GALNTL6: variants seen among roughly 807,000 people sequenced by gnomAD.
The protein encoded by GALNTL6 is polypeptide N-acetylgalactosaminyltransferase-like 6.
Under a neutral mutation model 73.7 loss-of-function variants are expected in GALNTL6, and 46 were observed. That is an observed-to-expected ratio of 0.62 (90% CI 0.49 to 0.80). The LOEUF (loss-of-function observed/expected upper bound fraction) is 0.80, where lower values mean the gene tolerates loss of function less well. Among genes scored for constraint, GALNTL6 ranks in the 30% least tolerant of loss-of-function variants. The pLI is 0.00. For missense variants in GALNTL6, 604 were observed against 755.0 expected (o/e 0.80, Z 2.34); for synonymous variants, 259 against 263.7 (o/e 0.98, Z 0.17).
intron 5 of GALNTL6, among the ~76,000 whole-genome samples, chr4:172,646,045 G>A (rs1043164585): frequency 1.3e-5 from 2 of 152,022 alleles, no homozygotes; most frequent in Non-Finnish European, 2.9e-5. Context: ...ACATGCCAAG[G>A]TGTCATATTT....
chr4:172,091,598 G>A (rs914774218), intron 2 of GALNTL6, among the ~76,000 whole-genome samples: 1 of 152,094 alleles, frequency 6.6e-6, no homozygotes. Context: ...ATAACATGAC[G>A]TTCCAGTCAA....
chr4:172,085,950 A>G (rs1732021141), intron 2 of GALNTL6, among the ~76,000 whole-genome samples: 1 of 152,112 alleles, frequency 6.6e-6, no homozygotes, highest in South Asian at 2.1e-4. Flanking sequence ...ATCCTTAACA[A>G]ATACTTTTAG....
rs149992573 is a variant in GALNTL6, at chr4:172,220,323, A to G, written c.139-9333A>G. Among the ~76,000 whole-genome samples, 213 of 151,896 alleles carry G rather than the reference A, an allele frequency of 1.4e-3. 1 individual carries two copies. The highest frequency in any genetic ancestry group is 2.3e-3 in the Non-Finnish European group (157 of 67,736). On this transcript the variant is annotated intron_variant, in intron 2 of 12. Coordinates refer to ENST00000506823, the MANE Select transcript of GALNTL6 (RefSeq NM_001034845.3). ...AATGAGGGCTTCCTTCTACTTGAAT[A>G]TAATGTCCCTCAGAACTGCTATTTC...
At chr4:172,529,297 T>C (rs2110841402) in intron 5 of GALNTL6, among the ~76,000 whole-genome samples, 1 of 152,144 alleles carries the variant, frequency 6.6e-6, no homozygotes, top group African/African-American at 2.4e-5. Flanking sequence ...TTAATTTAGA[T>C]ATTTATTAAT....
chr4:173,022,652 A>G (rs1275634260), intron 12 of GALNTL6, among the ~76,000 whole-genome samples: 1 of 152,238 alleles, frequency 6.6e-6, no homozygotes, highest in Non-Finnish European at 1.5e-5. Flanking sequence ...TTATACAAAA[A>G]GTGACCCATT....
chr4:172,170,713 G>A (rs996986517), intron 2 of GALNTL6, among the ~76,000 whole-genome samples: 1 of 152,016 alleles, frequency 6.6e-6, no homozygotes, highest in Non-Finnish European at 1.5e-5. Context: ...CTTGCACCAT[G>A]TTGGCCAGGC....
chr4:172,658,908 T>G (rs1274610116), intron 5 of GALNTL6, among the ~76,000 whole-genome samples: 1 of 152,314 alleles, frequency 6.6e-6, no homozygotes, highest in East Asian at 1.9e-4. Flanking sequence ...TACTTCAGTT[T>G]CTTCACCTTA....
intron 2 of GALNTL6, among the ~76,000 whole-genome samples, chr4:171,868,238 C>G (rs780890797): frequency 6.6e-6 from 1 of 152,122 alleles, no homozygotes; most frequent in Non-Finnish European, 1.5e-5. Flanking sequence ...ATCCTCCTGC[C>G]TCAACCTTCC....
At chr4:172,551,535 A>C (rs1329294159) in intron 5 of GALNTL6, among the ~76,000 whole-genome samples, 1 of 152,170 alleles carries the variant, frequency 6.6e-6, no homozygotes, top group Non-Finnish European at 1.5e-5. Context: ...TTATGCTAAC[A>C]ATGTAAATAC....
chr4:173,036,454 A>T (rs1029377167), intron 12 of GALNTL6, among the ~76,000 whole-genome samples: 28 of 152,302 alleles, frequency 1.8e-4, no homozygotes, highest in African/African-American at 6.0e-4. Flanking sequence ...GCCCCTTTCA[A>T]TGAGCTACCT....
intron 5 of GALNTL6, among the ~76,000 whole-genome samples, chr4:172,542,568 G>A (rs1021027843): frequency 7.9e-5 from 12 of 152,108 alleles, no homozygotes; most frequent in Non-Finnish European, 1.8e-4. Context: ...TGACATTCCT[G>A]GTGGGGGAGG....
chr4:173,035,978 G>A (rs1000205667), intron 12 of GALNTL6, among the ~76,000 whole-genome samples: 72 of 152,170 alleles, frequency 4.7e-4, no homozygotes, highest in African/African-American at 1.7e-3. Context: ...TTACTTATAG[G>A]CAGGACACTA....
chr4:172,122,857 A>C (rs1733189757), intron 2 of GALNTL6, among the ~76,000 whole-genome samples: 1 of 152,176 alleles, frequency 6.6e-6, no homozygotes, highest in Non-Finnish European at 1.5e-5. Flanking sequence ...CTATGTGCCT[A>C]TTCTAACATA....
chr4:171,853,902 G>A lies in GALNTL6; in HGVS notation c.138+39184G>A, dbSNP rs766111011. Among the ~76,000 whole-genome samples, 123 of 151,988 alleles carry A rather than the reference G, an allele frequency of 8.1e-4. 1 individual carries two copies. Among genetic ancestry groups the A allele is most frequent in the Non-Finnish European group, 6.2e-4 (42 of 67,962 alleles). ...GCTGGGATTACAGGCGTGAGCCACC[G>A]CGCCTGGCCTATTTAGCCACTCTTC... On this transcript the variant is annotated intron_variant, in intron 2 of 12. Coordinates refer to ENST00000506823, the MANE Select transcript of GALNTL6 (RefSeq NM_001034845.3).
In GALNTL6 at chr4:171,814,719, G is replaced by T; in HGVS notation, c.138+1G>T. 6.2e-7 allele frequency: 1 copy of T among 1,613,672 alleles called. No individual in the cohort carries two copies. The highest frequency in any genetic ancestry group is 8.5e-7 in the Non-Finnish European group (1 of 1,179,998). On this transcript the variant is annotated splice_donor_variant, in intron 2 of 12. Transcript: ENST00000506823. LOFTEE classifies it high-confidence loss of function. ...GTCAGCGGAGCCCGGGGAGCAGCAG[G>T]TAAGTGCCACCCAGAGAAAGATCAC... is the stretch of plus-strand genomic sequence containing the variant.
chr4:172,492,175 A>G (rs1285217275), intron 5 of GALNTL6, among the ~76,000 whole-genome samples: 1 of 152,170 alleles, frequency 6.6e-6, no homozygotes, highest in Admixed American at 6.5e-5. Context: ...CCCTTTTATC[A>G]AATGACTTTT....
At chr4:172,963,732 A>G (rs1750193555) in intron 10 of GALNTL6, among the ~76,000 whole-genome samples, 1 of 152,238 alleles carries the variant, frequency 6.6e-6, no homozygotes. Flanking sequence ...GCTCGGCCAG[A>G]AAGGCAGTTT....
intron 3 of GALNTL6, among the ~76,000 whole-genome samples, chr4:172,295,959 T>C (rs1739657953): frequency 3.9e-5 from 6 of 152,114 alleles, no homozygotes; most frequent in Admixed American, 3.9e-4. Flanking sequence ...TTTTATTTTT[T>C]CTTGCCTTAT....
chr4:172,455,926 A>G (rs906931369), intron 5 of GALNTL6, among the ~76,000 whole-genome samples: 10 of 152,160 alleles, frequency 6.6e-5, no homozygotes, highest in African/African-American at 2.2e-4. Flanking sequence ...AGCAGGGGTC[A>G]ACAGACACCT....
Sources: gnomAD v4.1 joint callset for allele counts (sites outside exome capture counted in the v4.1 genomes callset) on GRCh38, gnomAD v4.1.1 for gene constraint, MANE v1.5 for transcripts, NCBI Gene and HGNC (gene_info 2026-07-23, HGNC 2026-07-21) for gene names.